ACAN: variants seen among roughly 807,000 people sequenced by gnomAD.
ACAN encodes aggrecan core protein.
In ACAN, 47 loss-of-function variants were observed where a neutral mutation model predicts 169.1. The ratio of observed to expected loss-of-function variants is 0.28; its 90% CI spans 0.22 to 0.35. The LOEUF is 0.35. Ranked by LOEUF, ACAN falls within the 10% of genes least tolerant of loss-of-function variation. The pLI is 1.00. For missense variants in ACAN, 2,716 were observed against 2,759.9 expected (o/e 0.98, Z 0.36); for synonymous variants, 1,115 against 1,112.2 (o/e 1.00, Z -0.05).
chr15:88,863,378 C>A (rs563451159), intron 13 of ACAN, among the ~76,000 whole-genome samples: 48 of 152,282 alleles, frequency 3.2e-4, no homozygotes, highest in African/African-American at 1.1e-3. Flanking sequence ...ACCTGGAGTG[C>A]TTTTAAAAAG....
chr15:88,836,340 G>T, intron 2 of ACAN, 64 bp downstream of exon 2: 1 of 1,388,500 alleles, frequency 7.2e-7, no homozygotes, highest in Non-Finnish European at 1.0e-6. Context: ...TTGAGTACTG[G>T]GTACTGAACC....
At position 88,864,738 on chromosome 15, in the gene ACAN, G is replaced by C. The variant is rs62023521; in HGVS notation, c.6947-3478G>C. On this transcript the variant is annotated intron_variant, in intron 13 of 18. Coordinates refer to ENST00000560601, the MANE Select transcript of ACAN (RefSeq NM_001369268.1). ...CAACATGCAGAGCATCCATTGAATTGAGAAATTTTATCTGTATTTCTTAAG... is the reference window on the plus strand; with the variant it reads ...CAACATGCAGAGCATCCATTGAATTCAGAAATTTTATCTGTATTTCTTAAG... 5.5e-3 allele frequency among the ~76,000 whole-genome samples: 832 copies of C among 152,260 alleles called. 3 individuals carry two copies. The highest frequency in any genetic ancestry group is 0.011 in the South Asian group (51 of 4,824).
At position 88,868,764 on chromosome 15, in the gene ACAN, G is replaced by A. The variant is rs1307148397; in HGVS notation, c.7060+435G>A. On this transcript the variant is annotated intron_variant, in intron 14 of 18. Coordinates refer to ENST00000560601, the MANE Select transcript of ACAN (RefSeq NM_001369268.1). The surrounding 1 kb of genome is among the most constrained non-coding windows in gnomAD (Gnocchi z 5.2). The stretch of plus-strand genomic sequence containing the variant: ...TTCCTTCATGGCCCTGGGAGCCACT[G>A]TGCCACATTGGCCAAGCTGCCTTTC... Among the ~76,000 whole-genome samples, 1 of 152,216 alleles carries A rather than the reference G, an allele frequency of 6.6e-6. No homozygotes were observed. Among genetic ancestry groups the A allele is most frequent in the Non-Finnish European group, 1.5e-5 (1 of 68,046 alleles).
At position 88,858,566 on chromosome 15, in the gene ACAN, C is replaced by A; in HGVS notation, c.5981C>A (p.Pro1994His). ...LSGLQSGLIE[P>H]SGEPPGTPYF... ...GGGCTGCAGTCCGGGCTGATAGAGC[C>A]CAGCGGAGAGCCACCAGGTACTCCA... The change falls in exon 12 of 19, where the codon CCC becomes CAC. Residue 1994 changes from proline to histidine, a missense_variant. Transcript: ENST00000560601. The surrounding 1 kb of genome is among the most constrained non-coding windows in gnomAD (Gnocchi z 4.0). The A allele has an allele frequency of 6.2e-7, 1 of 1,613,850 alleles. No homozygotes were observed. The highest frequency in any genetic ancestry group is 8.5e-7 in the Non-Finnish European group (1 of 1,179,894).
chr15:88,871,471 C>T lies in ACAN; in HGVS notation c.7150C>T (p.Arg2384Cys). The T allele has an allele frequency of 1.9e-6, 3 of 1,613,868 alleles. No individual in the cohort carries two copies. The highest frequency in any genetic ancestry group is 4.5e-5 in the East Asian group (2 of 44,882). Reference protein sequence around the residue: ...PDRETWVDAERRCREQQSHLS... With the variant: ...PDRETWVDAECRCREQQSHLS... ...CCGCGAGACCTGGGTGGATGCTGAG[C>T]GCCGGTGTCGGGAGCAGCAGTCACA... Residue 2384 changes from arginine (R) to cysteine (C), a missense_variant, in exon 15 of 19, where the codon CGC becomes TGC. Around this residue, in one of 3 missense-constraint regions of ACAN, gnomAD observed 1,389 missense variants for 1,363.7 expected, o/e 1.02. Coordinates refer to ENST00000560601, the MANE Select transcript of ACAN (RefSeq NM_001369268.1). The surrounding 1 kb of genome is among the most constrained non-coding windows in gnomAD (Gnocchi z 7.8).
chr15:88,824,509 T>C (rs1896160450), intron 1 of ACAN, among the ~76,000 whole-genome samples: 1 of 152,136 alleles, frequency 6.6e-6, no homozygotes, highest in South Asian at 2.1e-4. Flanking sequence ...AAAAACTCCC[T>C]GCCCTCATGG....
At chr15:88,825,294 C>T (rs192573810) in intron 1 of ACAN, among the ~76,000 whole-genome samples, 16 of 152,204 alleles carry the variant, frequency 1.1e-4, no homozygotes, top group South Asian at 2.1e-4. Flanking sequence ...CCAGGGAACA[C>T]GAGGACTTCT....
chr15:88,806,956 C>A (rs1167483266), intron 1 of ACAN, among the ~76,000 whole-genome samples: 1 of 152,008 alleles, frequency 6.6e-6, no homozygotes, highest in African/African-American at 2.4e-5. Flanking sequence ...TTTTGAAGCC[C>A]TCTATAAGGG....
chr15:88,861,412 C>G lies in ACAN; in HGVS notation c.6946+973C>G, dbSNP rs374878699. On this transcript the variant is annotated intron_variant, in intron 13 of 18. Transcript: ENST00000560601. This position sits in a 1 kb window ranked among gnomAD's most constrained non-coding sequence, Gnocchi z 6.3. ...ATGTCGGGCAATTATCCTTCGATAG[C>G]CTTTACATCAAACACAGAGAAGAAT... is the stretch of plus-strand genomic sequence containing the variant. 4.3e-4 allele frequency among the ~76,000 whole-genome samples: 66 copies of G among 152,110 alleles called. No homozygotes were observed. In the East Asian group the frequency reaches 9.7e-3, roughly 22 times the overall value.
chr15:88,840,642 C>G (rs967788280), intron 4 of ACAN, among the ~76,000 whole-genome samples: 4 of 152,016 alleles, frequency 2.6e-5, no homozygotes, highest in African/African-American at 9.7e-5. Flanking sequence ...CAAGGGATCT[C>G]AATGCACTGT....
rs1897422869 is a variant in ACAN, at chr15:88,873,101, G to A, written c.7447+76G>A. 2 of 1,524,170 alleles carry A rather than the reference G, an allele frequency of 1.3e-6. No homozygotes were observed. The highest frequency in any genetic ancestry group is 4.0e-5 in the Admixed American group (2 of 50,398). The allele number at this position is 1,524,170 out of a possible 1,614,324, so 94.4% of individuals were successfully genotyped here. On this transcript the variant is annotated intron_variant, in intron 17 of 18. Transcript: ENST00000560601. This position sits in a 1 kb window ranked among gnomAD's most constrained non-coding sequence, Gnocchi z 7.5. ...GCTACAGGTGAGGCTCTTGCTGTGT[G>A]GCCTGGGGTGAGTCCCTTGTCTTCT...
At position 88,869,853 on chromosome 15, in the gene ACAN, A is replaced by C. The variant is rs541614155; in HGVS notation, c.7060+1524A>C. 3.3e-5 allele frequency among the ~76,000 whole-genome samples: 5 copies of C among 151,920 alleles called. No homozygotes were observed. Among genetic ancestry groups the C allele is most frequent in the Non-Finnish European group, 7.4e-5 (5 of 67,974 alleles). ...TCCCTGTTACCTCTTTCAGTCTGGA[A>C]TTGTTTCTGTTTCCTAAGAATCTTC... On this transcript the variant is annotated intron_variant, in intron 14 of 18. Transcript: ENST00000560601. This position sits in a 1 kb window ranked among gnomAD's most constrained non-coding sequence, Gnocchi z 4.2.
intron 1 of ACAN, among the ~76,000 whole-genome samples, chr15:88,833,732 C>T (rs780186627): frequency 9.0e-5 from 6 of 66,762 alleles, no homozygotes; most frequent in Non-Finnish European, 1.3e-4. Context: ...CCCCTACCCC[C>T]ACTCTCCTCC....
At chr15:88,832,952 C>T (rs562059066) in intron 1 of ACAN, among the ~76,000 whole-genome samples, 1 of 152,314 alleles carries the variant, frequency 6.6e-6, no homozygotes, top group East Asian at 1.9e-4. Context: ...ATGGCAGTCA[C>T]ATTATCTCAC....
At chr15:88,841,928 C>G in intron 5 of ACAN, 61 bp downstream of exon 5, 1 of 1,601,842 alleles carries the variant, frequency 6.2e-7, no homozygotes, top group South Asian at 1.1e-5. Context: ...CTTCCCCTCC[C>G]CATCTCCCCA....
intron 1 of ACAN, among the ~76,000 whole-genome samples, chr15:88,835,041 T>G (rs1284920310): frequency 6.6e-6 from 1 of 152,220 alleles, no homozygotes; most frequent in African/African-American, 2.4e-5. Context: ...AAGGAAGGTT[T>G]GTCTTTCTAA....
chr15:88,818,121 T>C (rs1895988245), intron 1 of ACAN, among the ~76,000 whole-genome samples: 1 of 152,166 alleles, frequency 6.6e-6, no homozygotes, highest in African/African-American at 2.4e-5. Context: ...TGTGCCAGGC[T>C]CTCTACCAGA....
chr15:88,855,357 G>C lies in ACAN; in HGVS notation c.2772G>C (p.Glu924Asp). 1 of 1,612,770 alleles carries C rather than the reference G, an allele frequency of 6.2e-7. No homozygotes were observed. The highest frequency in any genetic ancestry group is 8.5e-7 in the Non-Finnish European group (1 of 1,179,104). The change falls in exon 12 of 19, where the codon GAG becomes GAC. Residue 924 changes from glutamate to aspartate, a missense_variant. This residue lies in a region of ACAN where 1,283 missense variants were observed against 1,281.5 expected (regional missense o/e 1.00). Coordinates refer to ENST00000560601, the MANE Select transcript of ACAN (RefSeq NM_001369268.1). ...GTGGACTACCCTCAGGGGATGAAGA[G>C]AGAATTGAGTGGCCCAGCACTCCTA... ...VESGLPSGDE[E>D]RIEWPSTPTV...
chr15:88,848,172 G>T (rs934327113), intron 9 of ACAN, 134 bp downstream of exon 9: 9 of 1,335,248 alleles, frequency 6.7e-6, no homozygotes, highest in Non-Finnish European at 9.1e-6. Flanking sequence ...AGGTGGGAAA[G>T]GGTCCTGCTG....
Sources: allele counts gnomAD v4.1 joint callset (sites outside exome capture counted in the v4.1 genomes callset), GRCh38; gene constraint gnomAD v4.1.1; regional missense constraint gnomAD v4.1.1; non-coding constraint Gnocchi (gnomAD v3.1); transcripts MANE v1.5; gene names NCBI Gene and HGNC (gene_info 2026-07-23, HGNC 2026-07-21).